The following SHROOM4 variants were observed in gnomAD, a reference collection of about 807,000 sequenced individuals.
SHROOM4 encodes the protein shroom family member 4.
A neutral mutation model predicts 80.3 loss-of-function variants in SHROOM4; 17 were observed. That is an observed-to-expected ratio of 0.21 (90% confidence interval 0.14 to 0.32). The LOEUF is 0.32. Among genes scored for constraint, SHROOM4 ranks in the 10% least tolerant of loss-of-function variants. The pLI, the probability that SHROOM4 is intolerant of heterozygous loss-of-function variation, is 1.00. For synonymous variants in SHROOM4, 400 were observed against 437.5 expected (o/e 0.91, Z 1.07); for missense variants, 993 against 1,140.3 (o/e 0.87, Z 1.86).
chrX:50,600,644 C>A (rs1929353037), intron 7 of SHROOM4, among the ~76,000 whole-genome samples: 1 of 111,743 alleles, frequency 8.9e-6, no homozygotes, highest in African/African-American at 3.3e-5. Context: ...GGAATGTATT[C>A]CCCTCTAGTA....
At chrX:50,578,312 T>C in the SHROOM4 span, among the ~76,000 whole-genome samples, 1 of 112,395 alleles carries the variant, frequency 8.9e-6, no homozygotes, top group Non-Finnish European at 1.9e-5. Flanking sequence ...TTATTTATTT[T>C]TATAAATTTT....
intron 1 of SHROOM4, among the ~76,000 whole-genome samples, chrX:50,797,090 C>T (rs1474999597): frequency 1.0e-5 from 1 of 100,297 alleles, no homozygotes; most frequent in Non-Finnish European, 2.0e-5. Context: ...GAAAAGAGTG[C>T]GGGGGGAGGG....
intron 1 of SHROOM4, among the ~76,000 whole-genome samples, chrX:50,772,914 A>C (rs782551163): frequency 4.5e-5 from 5 of 112,195 alleles, no homozygotes; most frequent in African/African-American, 1.6e-4. Context: ...CATTCACCTG[A>C]GAGGCTTACT....
At chrX:50,746,140 T>C (rs1426985896) in intron 1 of SHROOM4, among the ~76,000 whole-genome samples, 1 of 111,939 alleles carries the variant, frequency 8.9e-6, no homozygotes, top group Non-Finnish European at 1.9e-5. Flanking sequence ...GTATACAATT[T>C]GATTATCTTT....
At chrX:50,804,940 A>C (rs1162079760) in intron 1 of SHROOM4, among the ~76,000 whole-genome samples, 1 of 109,588 alleles carries the variant, frequency 9.1e-6, no homozygotes, top group African/African-American at 3.3e-5. Context: ...AGAGCTCCAA[A>C]CTCTTGTCAA....
At chrX:50,682,721 T>A (rs1463398178) in intron 2 of SHROOM4, among the ~76,000 whole-genome samples, 1 of 111,665 alleles carries the variant, frequency 9.0e-6, no homozygotes, top group Non-Finnish European at 1.9e-5. Context: ...CAGTCATCAT[T>A]TTGGGAAGAA....
chrX:50,646,527 AGTGTGTGTGTGTGTGTGTGTGTGTGT>A (rs782016561), intron 2 of SHROOM4, among the ~76,000 whole-genome samples: 27 of 78,781 alleles, frequency 3.4e-4, no homozygotes, highest in African/African-American at 1.1e-3. Flanking sequence ...AGGGGGGAAG[AGTGTGTGTGTGTGTGTGTGTGTGTGT>A]GTGTGTGTGT....
chrX:50,749,856 C>G (rs1357946377), intron 1 of SHROOM4, among the ~76,000 whole-genome samples: 4 of 111,766 alleles, frequency 3.6e-5, no homozygotes. Flanking sequence ...TGCTGATACC[C>G]TGAACTGGCT....
At chrX:50,666,347 G>A (rs187996427) in intron 2 of SHROOM4, among the ~76,000 whole-genome samples, 246 of 111,536 alleles carry the variant, frequency 2.2e-3, no homozygotes, top group African/African-American at 7.5e-3. Context: ...TATGGGGAGG[G>A]GAAAAGAAAT....
intron 1 of SHROOM4, among the ~76,000 whole-genome samples, chrX:50,718,793 A>G (rs2147511067): frequency 9.0e-6 from 1 of 111,716 alleles, no homozygotes; most frequent in African/African-American, 3.3e-5. Flanking sequence ...AGATGATTAC[A>G]TAAATCTCCA....
rs138989303 is a variant in SHROOM4, at chrX:50,591,284, C to T, written c.*5411G>A. 3.5e-4 allele frequency among the ~76,000 whole-genome samples: 39 copies of T among 112,354 alleles called. 1 individual carries two copies. The East Asian group carries it at 8.4e-3, about 24-fold the overall frequency. ...CACCTACCCTTGTGTCTGTACCACA[C>T]TGTCTTGATTACTGTAGTTTTGCAG... On this transcript the variant is annotated 3_prime_UTR_variant, in exon 9 of 9. Transcript: ENST00000376020.
At chrX:50,680,272 T>C (rs1932912514) in intron 2 of SHROOM4, among the ~76,000 whole-genome samples, 1 of 112,303 alleles carries the variant, frequency 8.9e-6, no homozygotes, top group Admixed American at 9.4e-5. Context: ...AAGGTAACTT[T>C]ATTTTATCAA....
At chrX:50,660,684 C>T (rs1399319529) in intron 2 of SHROOM4, among the ~76,000 whole-genome samples, 12 of 104,597 alleles carry the variant, frequency 1.1e-4, no homozygotes, top group African/African-American at 3.9e-4. Flanking sequence ...GGCGTGATCA[C>T]GGCTCACTGC....
At chrX:50,725,701 C>G (rs781938623) in intron 1 of SHROOM4, among the ~76,000 whole-genome samples, 3 of 112,660 alleles carry the variant, frequency 2.7e-5, no homozygotes, top group Non-Finnish European at 5.6e-5. Flanking sequence ...TTGTAAGTTT[C>G]CTGAGGCCTA....
At position 50,607,728 on chromosome X, in the gene SHROOM4, T is replaced by TTCTTCC. The variant is rs1557248867; in HGVS notation, c.3413_3414insGGAAGA (p.Glu1150_Glu1151dup). ...CTTCCTCTTCCTCTTCTTCTTCTTC[T>TTCTTCC]TCCTCCTCCTCCTCCTCCTCCTGTT... is the stretch of plus-strand genomic sequence containing the variant. On this transcript the variant is annotated inframe_insertion, in exon 6 of 9. Coordinates refer to ENST00000376020, the MANE Select transcript of SHROOM4 (RefSeq NM_020717.5). The TTCTTCC allele has an allele frequency of 9.9e-6, 11 of 1,116,727 alleles. No homozygotes were observed. The highest frequency in any genetic ancestry group is 3.8e-5 in the African/African-American group (2 of 52,778). 92.0% of individuals were successfully genotyped at this position (1,116,727 alleles called of 1,213,427 possible). A position where few individuals can be genotyped will look rare whatever the true frequency, so the allele number is the denominator to read the frequency against.
At chrX:50,662,064 G>T (rs112173820) in intron 2 of SHROOM4, among the ~76,000 whole-genome samples, 2,854 of 110,805 alleles carry the variant, frequency 0.026, 90 homozygotes, top group African/African-American at 0.09. Flanking sequence ...CAGGGGAGGA[G>T]CAGTATGTTC....
chrX:50,636,929 C>T (rs1446270085), intron 3 of SHROOM4, among the ~76,000 whole-genome samples: 1 of 110,632 alleles, frequency 9.0e-6, no homozygotes, highest in East Asian at 2.8e-4. Flanking sequence ...AATGTAAAGT[C>T]CTTACCACAG....
chrX:50,590,877 T>A lies in SHROOM4; in HGVS notation c.*5818A>T, dbSNP rs2316203. 4.8e-5 allele frequency among the ~76,000 whole-genome samples: 1 copy of A among 20,927 alleles called. No individual in the cohort carries two copies. Among genetic ancestry groups the A allele is most frequent in the African/African-American group, 1.2e-4 (1 of 8,279 alleles). The allele number at this position is 20,927 out of a possible 115,157, so 18.2% of individuals were successfully genotyped here. A position where few individuals can be genotyped will look rare whatever the true frequency, so the allele number is the denominator to read the frequency against. ...TATCTGATATGCAAATATTTTCTCC[T>A]AATATTATGTTGCTTGTCTTTTCAC... On this transcript the variant is annotated 3_prime_UTR_variant, in exon 9 of 9. Coordinates refer to ENST00000376020, the MANE Select transcript of SHROOM4 (RefSeq NM_020717.5).
chrX:50,714,211 G>A (rs1386344051), intron 1 of SHROOM4, among the ~76,000 whole-genome samples: 1 of 111,777 alleles, frequency 8.9e-6, no homozygotes, highest in Non-Finnish European at 1.9e-5. Flanking sequence ...ACAGCATGCT[G>A]TTTTGTAATA....
Sources: allele counts gnomAD v4.1 joint callset (sites outside exome capture counted in the v4.1 genomes callset), GRCh38; gene constraint gnomAD v4.1.1; transcripts MANE v1.5; gene names NCBI Gene and HGNC (gene_info 2026-07-23, HGNC 2026-07-21).